Variants in NTM observed in about 807,000 individuals in gnomAD.
The protein encoded by NTM is IgLON family member 2.
In NTM, 13 loss-of-function variants were observed where a neutral mutation model predicts 42.1. The observed-to-expected ratio is 0.31, with a 90% confidence interval of 0.20 to 0.49. The LOEUF (loss-of-function observed/expected upper bound fraction) is 0.49, where lower values mean the gene tolerates loss of function less well. Ranked by LOEUF, NTM falls within the 20% of genes least tolerant of loss-of-function variation. The probability of loss-of-function intolerance (pLI) is 0.99; values close to 1 mark genes in which losing one functional copy is unlikely to be tolerated. For synonymous variants in NTM, 187 were observed against 179.2 expected (o/e 1.04, Z -0.35); for missense variants, 373 against 452.8 (o/e 0.82, Z 1.60).
At chr11:131,808,927 G>T (rs1299929627) in intron 1 of NTM, among the ~76,000 whole-genome samples, 1 of 152,222 alleles carries the variant, frequency 6.6e-6, no homozygotes, top group Non-Finnish European at 1.5e-5. Flanking sequence ...ATCATTTCAT[G>T]TCTCAATTTT....
intron 4 of NTM, among the ~76,000 whole-genome samples, chr11:132,298,159 T>G (rs927699309): frequency 6.6e-6 from 1 of 152,186 alleles, no homozygotes; most frequent in Non-Finnish European, 1.5e-5. Context: ...TCCTTCAAAG[T>G]TATCAGCACT....
intron 1 of NTM, among the ~76,000 whole-genome samples, chr11:131,693,792 C>T: frequency 6.6e-6 from 1 of 152,158 alleles, no homozygotes; most frequent in African/African-American, 2.4e-5. Flanking sequence ...TGGAGTGTCT[C>T]TCTCCTCCCC....
Position 132,087,481 on chromosome 11 carries a change from A to T in NTM, c.168-58801A>T, listed in dbSNP as rs147804736. 1.0e-3 allele frequency among the ~76,000 whole-genome samples: 154 copies of T among 152,262 alleles called. 2 individuals carry two copies. The highest frequency in any genetic ancestry group is 3.4e-3 in the African/African-American group (142 of 41,558). ...CTAGGGGTTGAACCCAAGGCTTGGA[A>T]TTGAGTTTGGGACAAAGGAACTGCC... On this transcript the variant is annotated intron_variant, in intron 2 of 8. Coordinates refer to ENST00000683400, the MANE Select transcript of NTM (RefSeq NM_001352005.2).
intron 2 of NTM, among the ~76,000 whole-genome samples, chr11:132,038,680 G>T (rs947990836): frequency 1.3e-5 from 2 of 152,172 alleles, no homozygotes; most frequent in Non-Finnish European, 2.9e-5. Context: ...AGACCAGCAC[G>T]CTTCCCTGTG....
At chr11:131,738,815 A>G (rs895521731) in intron 1 of NTM, among the ~76,000 whole-genome samples, 13 of 152,214 alleles carry the variant, frequency 8.5e-5, no homozygotes, top group South Asian at 8.3e-4. Context: ...CAATTTCCCT[A>G]TAATATGTTG....
At chr11:131,498,167 C>A (rs1955547169) in intron 1 of NTM, among the ~76,000 whole-genome samples, 2 of 152,302 alleles carry the variant, frequency 1.3e-5, no homozygotes, top group South Asian at 2.1e-4. Context: ...CGGCACCAAG[C>A]ATTTGCTTCC....
At chr11:132,011,762 C>A (rs184278107) in intron 2 of NTM, among the ~76,000 whole-genome samples, 1 of 152,272 alleles carries the variant, frequency 6.6e-6, no homozygotes, top group African/African-American at 2.4e-5. Context: ...AATTTAGGTT[C>A]TCTCTAGTAC....
intron 7 of NTM, chr11:132,317,531 A>T: frequency 7.4e-6 from 3 of 404,082 alleles, no homozygotes; most frequent in Admixed American, 3.4e-5. Flanking sequence ...TTTTTTTTAT[A>T]TAATCCCCCA....
intron 7 of NTM, among the ~76,000 whole-genome samples, chr11:132,318,743 C>T (rs997627007): frequency 6.6e-6 from 1 of 152,150 alleles, no homozygotes; most frequent in Admixed American, 6.5e-5. Context: ...CTTCTCCCAC[C>T]TTCCATCCCA....
At chr11:131,970,247 T>A (rs758818233) in intron 2 of NTM, among the ~76,000 whole-genome samples, 11 of 152,156 alleles carry the variant, frequency 7.2e-5, no homozygotes, top group Non-Finnish European at 1.5e-4. Context: ...TGGCTCCAAT[T>A]TTTCTATGTT....
At chr11:132,138,606 C>CTA (rs1379015411) in intron 2 of NTM, among the ~76,000 whole-genome samples, 156 of 58,506 alleles carry the variant, frequency 2.7e-3, no homozygotes, top group African/African-American at 7.0e-3. Flanking sequence ...ATCTATCTAT[C>CTA]TATCTATCTA....
intron 1 of NTM, among the ~76,000 whole-genome samples, chr11:131,850,965 G>A (rs1279640513): frequency 1.3e-5 from 2 of 152,158 alleles, no homozygotes; most frequent in Non-Finnish European, 2.9e-5. Flanking sequence ...ATCTTGTCTC[G>A]TCTTTGCAGA....
At chr11:131,621,824 A>G (rs1180913688) in intron 1 of NTM, among the ~76,000 whole-genome samples, 1 of 121,220 alleles carries the variant, frequency 8.2e-6, no homozygotes, top group African/African-American at 3.2e-5. Context: ...CTCAACTCAA[A>G]GAAAAAAAAA....
intron 1 of NTM, among the ~76,000 whole-genome samples, chr11:131,517,535 G>C (rs1374514279): frequency 1.3e-5 from 2 of 152,180 alleles, no homozygotes; most frequent in African/African-American, 2.4e-5. Flanking sequence ...CAAATCCTGT[G>C]TCTCAGATAT....
At chr11:131,553,573 A>G (rs1417244407) in intron 1 of NTM, among the ~76,000 whole-genome samples, 1 of 152,060 alleles carries the variant, frequency 6.6e-6, no homozygotes, top group Non-Finnish European at 1.5e-5. Flanking sequence ...AGCCCAGTTT[A>G]TTTCCACCTC....
chr11:131,577,618 G>T (rs569495666), intron 1 of NTM, among the ~76,000 whole-genome samples: 1 of 152,194 alleles, frequency 6.6e-6, no homozygotes, highest in Non-Finnish European at 1.5e-5. Context: ...TTCTTGGAAC[G>T]AAAGTGGCTA....
chr11:132,224,082 C>T (rs2138908085), intron 4 of NTM, among the ~76,000 whole-genome samples: 1 of 152,326 alleles, frequency 6.6e-6, no homozygotes, highest in East Asian at 1.9e-4. Flanking sequence ...AGCTTCAGAC[C>T]AGCAGGAGCA....
chr11:131,789,625 G>A lies in NTM; in HGVS notation c.83-121939G>A, dbSNP rs1335825580. On this transcript the variant is annotated intron_variant, in intron 1 of 8. Transcript: ENST00000683400. ...AGAAGAAGAAGAAGAAGAAGAAGAA[G>A]AAGAAGAAGAAAAGAAGAAGAAGAA... Among the ~76,000 whole-genome samples the A allele has an allele frequency of 7.6e-4, 65 of 85,526 alleles. 4 individuals are homozygous for A. The highest frequency in any genetic ancestry group is 1.2e-3 in the Non-Finnish European group (51 of 42,818). 56.1% of individuals were successfully genotyped at this position (85,526 alleles called of 152,430 possible).
At chr11:131,595,481 C>G (rs2059737662) in intron 1 of NTM, among the ~76,000 whole-genome samples, 1 of 152,186 alleles carries the variant, frequency 6.6e-6, no homozygotes, top group Non-Finnish European at 1.5e-5. Context: ...TGGAGGTTTG[C>G]CTCTCATCAG....
Sources: gnomAD v4.1 joint callset for allele counts (sites outside exome capture counted in the v4.1 genomes callset) on GRCh38, gnomAD v4.1.1 for gene constraint, MANE v1.5 for transcripts, NCBI Gene and HGNC (gene_info 2026-07-23, HGNC 2026-07-21) for gene names.